The following BBS9 variants were observed in gnomAD, a reference collection of about 807,000 sequenced individuals.
BBS9 encodes protein PTHB1.
Under a neutral mutation model 117.7 loss-of-function variants are expected in BBS9, and 89 were observed. The ratio of observed to expected loss-of-function variants is 0.76; its 90% CI spans 0.64 to 0.90. The LOEUF is 0.90. BBS9 is among the 40% of genes least tolerant of loss of function. The probability of loss-of-function intolerance (pLI) is 0.00; values close to 1 mark genes in which losing one functional copy is unlikely to be tolerated. For missense variants in BBS9, 982 were observed against 1,042.2 expected, an observed-to-expected ratio of 0.94 and a Z score of 0.80; for synonymous variants, 379 against 370.9, an observed-to-expected ratio of 1.02 and a Z score of -0.25.
chr7:33,566,913 A>G (rs972681954), intron 21 of BBS9, among the ~76,000 whole-genome samples: 6 of 152,214 alleles, frequency 3.9e-5, no homozygotes, highest in Non-Finnish European at 7.3e-5. Flanking sequence ...CTAGAATTTA[A>G]GAACGTAAGA....
At chr7:33,571,674 C>T (rs1170070000) in intron 21 of BBS9, among the ~76,000 whole-genome samples, 1 of 151,906 alleles carries the variant, frequency 6.6e-6, no homozygotes. Context: ...GAACTCTTAT[C>T]ATTTTGGAAT....
At chr7:33,201,597 G>A (rs1024872956) in intron 5 of BBS9, among the ~76,000 whole-genome samples, 1 of 151,906 alleles carries the variant, frequency 6.6e-6, no homozygotes, top group East Asian at 1.9e-4. Context: ...TCTACTCTTC[G>A]GTATCATTTA....
intron 5 of BBS9, among the ~76,000 whole-genome samples, chr7:33,252,902 T>G (rs543060244): frequency 6.6e-6 from 1 of 152,234 alleles, no homozygotes; most frequent in East Asian, 1.9e-4. Context: ...ATAGAAAAAG[T>G]AAAATGAAAA....
intron 5 of BBS9, among the ~76,000 whole-genome samples, chr7:33,186,324 A>G (rs1201210509): frequency 4.6e-5 from 7 of 152,162 alleles, no homozygotes; most frequent in Non-Finnish European, 1.0e-4. Context: ...GCAGTGTTCT[A>G]AGAGCTTTTA....
intron 7 of BBS9, among the ~76,000 whole-genome samples, chr7:33,268,887 A>G (rs1799276119): frequency 6.6e-6 from 1 of 152,200 alleles, no homozygotes; most frequent in South Asian, 2.1e-4. Flanking sequence ...TACAAAGCCA[A>G]ATGCTAGCCT....
At chr7:33,231,129 G>A (rs986593338) in intron 5 of BBS9, among the ~76,000 whole-genome samples, 3 of 152,004 alleles carry the variant, frequency 2.0e-5, no homozygotes, top group African/African-American at 7.2e-5. Flanking sequence ...AGTGTAAGAT[G>A]AACCCAATTT....
chr7:33,518,453 G>A (rs538481461), intron 20 of BBS9, among the ~76,000 whole-genome samples: 131 of 151,992 alleles, frequency 8.6e-4, no homozygotes, highest in Admixed American at 1.8e-3. Flanking sequence ...GTTTCATCAT[G>A]TTGGCCAGAA....
At chr7:33,546,830 C>T (rs935844764) in intron 21 of BBS9, among the ~76,000 whole-genome samples, 1 of 152,182 alleles carries the variant, frequency 6.6e-6, no homozygotes, top group Non-Finnish European at 1.5e-5. Flanking sequence ...GCTCCCTGGT[C>T]CCCTGAGCAT....
chr7:33,391,310 A>G (rs1311182588), intron 19 of BBS9, among the ~76,000 whole-genome samples: 1 of 152,094 alleles, frequency 6.6e-6, no homozygotes, highest in African/African-American at 2.4e-5. Context: ...TCTTTTCCCA[A>G]CGTACCGCTT....
At chr7:33,488,417 G>A (rs533097042) in intron 19 of BBS9, among the ~76,000 whole-genome samples, 3 of 152,164 alleles carry the variant, frequency 2.0e-5, no homozygotes, top group Non-Finnish European at 4.4e-5. Context: ...TAAAGTTGTT[G>A]TGAATACTTA....
intron 21 of BBS9, among the ~76,000 whole-genome samples, chr7:33,565,844 TTA>T (rs1554539789): frequency 1.4e-3 from 110 of 80,040 alleles, no homozygotes; most frequent in Middle Eastern, 7.7e-3. Context: ...TATATACTGC[TTA>T]TATATATATA....
intron 19 of BBS9, among the ~76,000 whole-genome samples, chr7:33,451,101 G>A (rs554916524): frequency 1.2e-3 from 185 of 152,128 alleles, no homozygotes; most frequent in African/African-American, 4.3e-3. Context: ...TGTTAGCCAG[G>A]ATGGTCTCGA....
intron 21 of BBS9, among the ~76,000 whole-genome samples, chr7:33,602,504 G>A (rs565357297): frequency 5.3e-4 from 81 of 152,248 alleles, no homozygotes; most frequent in African/African-American, 1.8e-3. Context: ...TGAGGCAAGC[G>A]GATCATCTGA....
intron 5 of BBS9, among the ~76,000 whole-genome samples, chr7:33,255,389 C>T (rs1203549909): frequency 6.9e-6 from 1 of 144,690 alleles, no homozygotes; most frequent in Admixed American, 7.1e-5. Flanking sequence ...GTTTTCCCAG[C>T]ACCACTTATT....
intron 21 of BBS9, among the ~76,000 whole-genome samples, chr7:33,547,633 CAGGTTATAATTAAA>C (rs1853628222): frequency 6.6e-6 from 1 of 152,062 alleles, no homozygotes; most frequent in Admixed American, 6.5e-5. Context: ...GGTAAATGGT[CAGGTTATAATTAAA>C]TCACATTAAA....
intron 19 of BBS9, among the ~76,000 whole-genome samples, chr7:33,432,974 T>C (rs992901468): frequency 3.9e-5 from 6 of 152,144 alleles, no homozygotes; most frequent in Non-Finnish European, 8.8e-5. Context: ...CTGACATATA[T>C]GTGACTAAGA....
chr7:33,223,306 G>T (rs371478840), intron 5 of BBS9, among the ~76,000 whole-genome samples: 2 of 149,356 alleles, frequency 1.3e-5, no homozygotes, highest in South Asian at 4.3e-4. Flanking sequence ...CTTTAGTGAT[G>T]AGTACATTTA....
chr7:33,188,118 T>TGTGTGTGTGTGG (rs1783454401), intron 5 of BBS9, among the ~76,000 whole-genome samples: 1 of 6,790 alleles, frequency 1.5e-4, no homozygotes, highest in African/African-American at 4.9e-4. Flanking sequence ...GTGTGGCGGG[T>TGTGTGTGTGTGG]GGGGGTGGGG....
At chr7:33,277,356 A>T (rs148086912) in intron 9 of BBS9, among the ~76,000 whole-genome samples, 1 of 152,308 alleles carries the variant, frequency 6.6e-6, no homozygotes, top group East Asian at 1.9e-4. Context: ...AACAAAGCAC[A>T]TCTAATGCCC....
Sources: gnomAD v4.1 joint callset for allele counts (sites outside exome capture counted in the v4.1 genomes callset) on GRCh38, gnomAD v4.1.1 for gene constraint, MANE v1.5 for transcripts, NCBI Gene and HGNC (gene_info 2026-07-23, HGNC 2026-07-21) for gene names.